CD82: variants seen among roughly 807,000 people sequenced by gnomAD.
CD82 encodes CD82 antigen.
CD82 carries 36 observed loss-of-function variants against 37.4 expected under a neutral mutation model. The observed-to-expected ratio is 0.96, with a 90% confidence interval of 0.74 to 1.27. CD82 has a LOEUF of 1.27. CD82 is among the 50% of genes most tolerant of loss of function. The pLI is 0.00. For missense variants in CD82, 340 were observed against 347.0 expected, an observed-to-expected ratio of 0.98 and a Z score of 0.16; for synonymous variants, 158 against 137.4, an observed-to-expected ratio of 1.15 and a Z score of -1.05.
intron 2 of CD82, among the ~76,000 whole-genome samples, chr11:44,592,109 G>A (rs1028185595): frequency 6.6e-6 from 1 of 152,130 alleles, no homozygotes; most frequent in Non-Finnish European, 1.5e-5. Flanking sequence ...ATGAGATACC[G>A]TGCCCGGCCT....
chr11:44,582,490 C>G (rs744631), intron 1 of CD82, among the ~76,000 whole-genome samples: 51,608 of 152,102 alleles, frequency 0.34, 9,005 homozygotes, highest in Non-Finnish European at 0.39. Context: ...TTGGAGGGTC[C>G]TAGATAGTCT....
rs1853621447 is a variant in CD82, at chr11:44,619,257, G to A, written c.*131G>A. On this transcript the variant is annotated 3_prime_UTR_variant, in exon 10 of 10. Coordinates refer to ENST00000227155, the MANE Select transcript of CD82 (RefSeq NM_002231.4). ...CTCTTGCCCATCCTGACTGAAAGTA[G>A]GGGGCTTTCTGGGGCCTAGCGATCT... The A allele has an allele frequency of 4.1e-6, 3 of 732,108 alleles. No homozygotes were observed. Among genetic ancestry groups the A allele is most frequent in the African/African-American group, 3.4e-5 (2 of 57,972 alleles). The allele number at this position is 732,108 out of a possible 1,614,324, so 45.4% of individuals were successfully genotyped here. A position where few individuals can be genotyped will look rare whatever the true frequency, so the allele number is the denominator to read the frequency against.
At chr11:44,565,901 C>T (rs1406185676) in intron 1 of CD82, 165 bp downstream of exon 1, 1 of 152,252 alleles carries the variant, frequency 6.6e-6, no homozygotes, top group African/African-American at 2.4e-5. Context: ...GTCCTGAACC[C>T]CCAGTTCTCA....
chr11:44,614,359 G>A (rs1365233171), intron 6 of CD82, among the ~76,000 whole-genome samples: 1 of 152,236 alleles, frequency 6.6e-6, no homozygotes, highest in Non-Finnish European at 1.5e-5. Flanking sequence ...CCCTGAAGCT[G>A]CCCTGTGGGA....
intron 6 of CD82, among the ~76,000 whole-genome samples, chr11:44,611,567 G>T (rs990188400): frequency 6.6e-6 from 1 of 152,360 alleles, no homozygotes; most frequent in Non-Finnish European, 1.5e-5. Flanking sequence ...AAATAGAAGG[G>T]TGGTTACATC....
Position 44,587,527 on chromosome 11 carries a change from C to T in CD82, c.-50C>T, listed in dbSNP as rs1205934167. 1 of 456,326 alleles carries T rather than the reference C, an allele frequency of 2.2e-6. No individual in the cohort carries two copies. 28.3% of individuals were successfully genotyped at this position (456,326 alleles called of 1,614,324 possible). ...ACGTGGGCACAGGCAGAAGTGGGCC[C>T]TGTGACCAGCTGCACTGGTTTCGTG... On this transcript the variant is annotated 5_prime_UTR_variant, in exon 2 of 10. Transcript: ENST00000227155.
intron 1 of CD82, among the ~76,000 whole-genome samples, chr11:44,581,887 G>A (rs752760636): frequency 1.2e-4 from 18 of 152,188 alleles, no homozygotes; most frequent in Non-Finnish European, 2.4e-4. Context: ...TGGCTGGCTG[G>A]TGGAGGGAGA....
At chr11:44,606,310 T>G (rs1853395568) in intron 6 of CD82, 1 of 152,086 alleles carries the variant, frequency 6.6e-6, no homozygotes, top group Non-Finnish European at 1.5e-5. Flanking sequence ...GAGACCCCAT[T>G]TCTACAAACA....
chr11:44,611,588 G>A (rs912923383), intron 6 of CD82, among the ~76,000 whole-genome samples: 40 of 152,360 alleles, frequency 2.6e-4, no homozygotes, highest in Admixed American at 2.6e-3. Context: ...CAAGGAGTGG[G>A]TTTCTGCAGG....
intron 1 of CD82, among the ~76,000 whole-genome samples, chr11:44,574,896 A>G (rs764044445): frequency 1.3e-5 from 2 of 152,194 alleles, no homozygotes; most frequent in Non-Finnish European, 2.9e-5. Context: ...TTCCCCAGCC[A>G]TTGCACATTT....
chr11:44,577,683 G>C (rs1171114080), intron 1 of CD82, among the ~76,000 whole-genome samples: 2 of 152,040 alleles, frequency 1.3e-5, no homozygotes, highest in African/African-American at 4.8e-5. Context: ...TACTTTCCTC[G>C]TTGATAGCTT....
At chr11:44,569,567 G>A (rs1369608923) in intron 1 of CD82, among the ~76,000 whole-genome samples, 1 of 151,988 alleles carries the variant, frequency 6.6e-6, no homozygotes, top group Non-Finnish European at 1.5e-5. Flanking sequence ...CTGGGACCTG[G>A]GATCTATCCT....
intron 2 of CD82, chr11:44,587,947 TC>T (rs1853081178): frequency 8.4e-6 from 2 of 238,222 alleles, no homozygotes; most frequent in African/African-American, 2.2e-5. Context: ...TGTCTGTCCA[TC>T]CATCCATCCA....
At chr11:44,596,298 C>T (rs1390207697) in intron 3 of CD82, among the ~76,000 whole-genome samples, 1 of 152,272 alleles carries the variant, frequency 6.6e-6, no homozygotes, top group Admixed American at 6.5e-5. Context: ...TGGGCGGAGA[C>T]CCAGCATAAA....
intron 1 of CD82, among the ~76,000 whole-genome samples, chr11:44,571,804 G>A (rs1852818481): frequency 6.6e-6 from 1 of 152,110 alleles, no homozygotes; most frequent in African/African-American, 2.4e-5. Flanking sequence ...CAAACTCCTG[G>A]CCTCAAGTGA....
At chr11:44,575,929 C>T (rs892571041) in intron 1 of CD82, among the ~76,000 whole-genome samples, 10 of 152,214 alleles carry the variant, frequency 6.6e-5, no homozygotes, top group Admixed American at 1.3e-4. Context: ...GGAACCCTGG[C>T]GCTGTCACGT....
At chr11:44,574,483 T>TA (rs969920658) in intron 1 of CD82, among the ~76,000 whole-genome samples, 3 of 152,182 alleles carry the variant, frequency 2.0e-5, no homozygotes, top group African/African-American at 7.2e-5. Flanking sequence ...CCAAATCTTG[T>TA]AGCAGAAGAC....
At chr11:44,598,522 C>T (rs1488401665) in intron 3 of CD82, among the ~76,000 whole-genome samples, 1 of 143,234 alleles carries the variant, frequency 7.0e-6, no homozygotes, top group Admixed American at 7.7e-5. Flanking sequence ...AAGTGATTCT[C>T]CTGCCTCAGC....
At chr11:44,587,807 C>T (rs1853078954) in intron 2 of CD82, 1 of 352,072 alleles carries the variant, frequency 2.8e-6, no homozygotes, top group African/African-American at 2.1e-5. Flanking sequence ...CACCCCCAAC[C>T]TGCCCTGCGG....
Sources: allele counts gnomAD v4.1 joint callset (sites outside exome capture counted in the v4.1 genomes callset), GRCh38; gene constraint gnomAD v4.1.1; transcripts MANE v1.5; gene names NCBI Gene and HGNC (gene_info 2026-07-23, HGNC 2026-07-21).